Variants in PCDHGA3 observed in about 807,000 individuals in gnomAD.
PCDHGA3 encodes protocadherin gamma subfamily A, 3.
PCDHGA3 carries 40 observed loss-of-function variants against 58.5 expected under a neutral mutation model. That is an observed-to-expected ratio of 0.68 (90% confidence interval 0.53 to 0.89). The LOEUF is 0.89. Among genes scored for constraint, PCDHGA3 ranks in the 40% least tolerant of loss-of-function variants. The pLI, the probability that PCDHGA3 is intolerant of heterozygous loss-of-function variation, is 0.00. For synonymous variants in PCDHGA3, 530 were observed against 525.7 expected, an observed-to-expected ratio of 1.01 and a Z score of -0.11; for missense variants, 1,223 against 1,195.9, an observed-to-expected ratio of 1.02 and a Z score of -0.33.
intron 1 of PCDHGA3, among the ~76,000 whole-genome samples, chr5:141,463,239 C>G (rs1012919667): frequency 1.3e-5 from 2 of 151,950 alleles, no homozygotes; most frequent in African/African-American, 4.8e-5. Context: ...CTTTGTGTAG[C>G]TCCATTCTCT....
At position 141,344,635 on chromosome 5, in the gene PCDHGA3, AC is replaced by A. The variant is rs760436130; in HGVS notation, c.604del (p.Arg202ValfsTer29). 4.2e-5 allele frequency: 67 copies of A among 1,613,952 alleles called. No individual in the cohort carries two copies. In the African/African-American group the frequency reaches 6.7e-4, roughly 16 times the overall value. On this transcript the variant is annotated frameshift_variant, in exon 1 of 4. Coordinates refer to ENST00000253812, the MANE Select transcript of PCDHGA3 (RefSeq NM_018916.4). LOFTEE classifies it high-confidence loss of function. ...GAGCTGGTGCTGGAGCGGGCCCTGG[AC>A]CGTGAGAAAAAAGAAATTCACCAGC... ...YPELVLERAL[D>X]REKKEIHQLV...
intron 1 of PCDHGA3, chr5:141,422,627 C>T: frequency 6.2e-7 from 1 of 1,613,350 alleles, no homozygotes; most frequent in Non-Finnish European, 8.5e-7. Flanking sequence ...GAAAACAACC[C>T]CAGGGGTGCC....
chr5:141,511,265 A>G lies in PCDHGA3; in HGVS notation c.*92A>G. On this transcript the variant is annotated 3_prime_UTR_variant, in exon 4 of 4. Coordinates refer to ENST00000253812, the MANE Select transcript of PCDHGA3 (RefSeq NM_018916.4). ...ACCCAGGCCTCAGAGTTTCAGGGCT[A>G]ACCCCCAGAATACTGGTAGGGGCCA... The G allele has an allele frequency of 6.4e-7, 1 of 1,551,730 alleles. No individual in the cohort carries two copies. Among genetic ancestry groups the G allele is most frequent in the South Asian group, 1.2e-5 (1 of 83,132 alleles).
Position 141,408,609 on chromosome 5 carries a change from A to T in PCDHGA3, c.2424+62152A>T, listed in dbSNP as rs765291231. 3 of 1,613,970 alleles carry T rather than the reference A, an allele frequency of 1.9e-6. No homozygotes were observed. The highest frequency in any genetic ancestry group is 2.5e-6 in the Non-Finnish European group (3 of 1,179,916). On this transcript the variant is annotated intron_variant, in intron 1 of 3. Coordinates refer to ENST00000253812, the MANE Select transcript of PCDHGA3 (RefSeq NM_018916.4). ...GACCACGCCCCTCAATTTGATAAAA[A>T]GGAAATACATTTAGAAATTTTCGAA...
At chr5:141,427,450 C>A in intron 1 of PCDHGA3, 1 of 486,442 alleles carries the variant, frequency 2.1e-6, no homozygotes, top group Non-Finnish European at 4.0e-6. Context: ...GAAAGAGTTC[C>A]TTTTAGAATC....
rs567684479 is a variant in PCDHGA3 at position 141,432,875 on chromosome 5, G to T, written c.2425-61932G>T. The T allele has an allele frequency of 6.2e-7, 1 of 1,614,178 alleles. No individual in the cohort carries two copies. Among genetic ancestry groups the T allele is most frequent in the South Asian group, 1.1e-5 (1 of 91,084 alleles). ...GGCCGCGGTCTCCTGCGTCTTCCTG[G>T]CCTTCGTCATCTTGCTGCTGGCGCT... On this transcript the variant is annotated intron_variant, in intron 1 of 3. Coordinates refer to ENST00000253812, the MANE Select transcript of PCDHGA3 (RefSeq NM_018916.4). This position sits in a 1 kb window ranked among gnomAD's most constrained non-coding sequence, Gnocchi z 6.0.
intron 1 of PCDHGA3, chr5:141,408,955 TA>T: frequency 2.5e-6 from 4 of 1,613,616 alleles, no homozygotes; most frequent in Non-Finnish European, 3.4e-6. Flanking sequence ...GAATTAGTCT[TA>T]GTGAAAATCT....
chr5:141,351,105 C>A (rs1212938457), intron 1 of PCDHGA3: 2 of 1,614,062 alleles, frequency 1.2e-6, no homozygotes, highest in East Asian at 4.5e-5. Context: ...CTCAATTCCC[C>A]AATAAGTACC....
chr5:141,352,944 T>G (rs1408217217), intron 1 of PCDHGA3, among the ~76,000 whole-genome samples: 1 of 152,162 alleles, frequency 6.6e-6, no homozygotes, highest in African/African-American at 2.4e-5. Flanking sequence ...GCCAAGAGTG[T>G]GCCACTGCAC....
chr5:141,376,372 G>C (rs531227586), intron 1 of PCDHGA3: 2 of 1,614,182 alleles, frequency 1.2e-6, no homozygotes, highest in Admixed American at 1.7e-5. Context: ...CTGCAGACTC[G>C]CGTAAGAGTC....
At chr5:141,483,670 A>G (rs1158511173) in intron 1 of PCDHGA3, among the ~76,000 whole-genome samples, 1 of 138,404 alleles carries the variant, frequency 7.2e-6, no homozygotes, top group African/African-American at 3.1e-5. Context: ...GTGTGTGTGT[A>G]AAAGAACACA....
intron 1 of PCDHGA3, chr5:141,350,889 C>G: frequency 6.2e-7 from 1 of 1,614,074 alleles, no homozygotes; most frequent in Non-Finnish European, 8.5e-7. Context: ...TTAATCCTGA[C>G]TGCCATGGAT....
At chr5:141,501,716 A>G (rs2099810687) in intron 2 of PCDHGA3, among the ~76,000 whole-genome samples, 1 of 152,160 alleles carries the variant, frequency 6.6e-6, no homozygotes, top group African/African-American at 2.4e-5. Flanking sequence ...TAAAAAAGAC[A>G]AATATATTAC....
At chr5:141,421,878 T>C (rs1364225081) in intron 1 of PCDHGA3, 1 of 1,613,612 alleles carries the variant, frequency 6.2e-7, no homozygotes, top group African/African-American at 1.3e-5. Context: ...CAGCTTTAGA[T>C]GGAGGCGATC....
chr5:141,357,537 C>T lies in PCDHGA3; in HGVS notation c.2424+11080C>T, dbSNP rs951939582. The stretch of plus-strand genomic sequence containing the variant: ...CCCAACCCAGCTATGCAGACACGCT[C>T]ATCAGCCGGGAGAGTTGTGAGAAAA... On this transcript the variant is annotated intron_variant, in intron 1 of 3. Transcript: ENST00000253812. 4 of 1,614,116 alleles carry T rather than the reference C, an allele frequency of 2.5e-6. No individual in the cohort carries two copies. In the African/African-American group the frequency reaches 5.3e-5, roughly 22 times the overall value.
intron 1 of PCDHGA3, among the ~76,000 whole-genome samples, chr5:141,430,013 G>T (rs2097256191): frequency 6.6e-6 from 1 of 151,922 alleles, no homozygotes; most frequent in South Asian, 2.1e-4. Context: ...TTTTCACTTG[G>T]GTTCTTGTTA....
At chr5:141,445,471 T>A (rs533909401) in intron 1 of PCDHGA3, among the ~76,000 whole-genome samples, 17 of 152,204 alleles carry the variant, frequency 1.1e-4, no homozygotes, top group Non-Finnish European at 2.4e-4. Context: ...AAGGCATATA[T>A]GATTCCTGAG....
chr5:141,361,987 A>G (rs1194727117), intron 1 of PCDHGA3: 2 of 1,601,686 alleles, frequency 1.2e-6, no homozygotes, highest in African/African-American at 1.3e-5. Context: ...CGGGCTCTTC[A>G]GCCTGGGGTT....
At chr5:141,430,448 G>T in intron 1 of PCDHGA3, 1 of 192,294 alleles carries the variant, frequency 5.2e-6, no homozygotes. Flanking sequence ...ATCCCCTTTT[G>T]AAGAACAGTA....
Sources: gnomAD v4.1 joint callset for allele counts (sites outside exome capture counted in the v4.1 genomes callset) on GRCh38, gnomAD v4.1.1 for gene constraint, Gnocchi (gnomAD v3.1) non-coding constraint, MANE v1.5 for transcripts, NCBI Gene and HGNC (gene_info 2026-07-23, HGNC 2026-07-21) for gene names.